The following TSPAN7 variants were observed in gnomAD, a reference collection of about 807,000 sequenced individuals.
TSPAN7 encodes tetraspanin-7.
TSPAN7 carries 1 observed loss-of-function variant against 17.6 expected under a neutral mutation model. The observed-to-expected ratio is 0.06, with a 90% CI of 0.02 to 0.27. TSPAN7 has a LOEUF of 0.27. TSPAN7 is among the 10% of genes least tolerant of loss of function. The probability of loss-of-function intolerance (pLI) is 1.00; values close to 1 mark genes in which losing one functional copy is unlikely to be tolerated. For missense variants in TSPAN7, 112 were observed against 201.7 expected, an observed-to-expected ratio of 0.56 and a Z score of 2.69; for synonymous variants, 78 against 79.0, an observed-to-expected ratio of 0.99 and a Z score of 0.07.
At chrX:38,664,919 G>C (rs970610806) in intron 1 of TSPAN7, among the ~76,000 whole-genome samples, 1 of 112,180 alleles carries the variant, frequency 8.9e-6, no homozygotes, top group African/African-American at 3.2e-5. Flanking sequence ...GAGCTTGATG[G>C]TTCCAAATTA....
chrX:38,611,109 CTTCT>C (rs2069415809), intron 1 of TSPAN7, among the ~76,000 whole-genome samples: 3 of 112,444 alleles, frequency 2.7e-5, no homozygotes, highest in Non-Finnish European at 3.8e-5. Flanking sequence ...TGTAGAATGA[CTTCT>C]TTCTTTCTTT....
At chrX:38,611,624 A>T (rs912923305) in intron 1 of TSPAN7, among the ~76,000 whole-genome samples, 1 of 111,442 alleles carries the variant, frequency 9.0e-6, no homozygotes, top group African/African-American at 3.3e-5. Context: ...GGCCATATTA[A>T]AGGATCGTGA....
chrX:38,626,874 T>A (rs1472141741), intron 1 of TSPAN7, among the ~76,000 whole-genome samples: 1 of 111,313 alleles, frequency 9.0e-6, no homozygotes, highest in Non-Finnish European at 1.9e-5. Context: ...TGAACTTACA[T>A]GTCTGGGAGT....
intron 2 of TSPAN7, among the ~76,000 whole-genome samples, chrX:38,669,036 T>C (rs1292696791): frequency 9.0e-6 from 1 of 110,837 alleles, no homozygotes; most frequent in Non-Finnish European, 1.9e-5. Flanking sequence ...GGTGTTTTAT[T>C]GCATAGTAGG....
chrX:38,676,550 A>T (rs2069855226), intron 5 of TSPAN7, among the ~76,000 whole-genome samples: 1 of 112,299 alleles, frequency 8.9e-6, no homozygotes, highest in Admixed American at 9.4e-5. Context: ...GATTATCTAC[A>T]TCTTAAATGT....
At chrX:38,607,126 C>T (rs1345372358) in intron 1 of TSPAN7, among the ~76,000 whole-genome samples, 1 of 111,427 alleles carries the variant, frequency 9.0e-6, no homozygotes, top group Non-Finnish European at 1.9e-5. Flanking sequence ...TGCATGCAGT[C>T]GACACCCCAG....
intron 2 of TSPAN7, among the ~76,000 whole-genome samples, chrX:38,667,186 G>A (rs1406830804): frequency 9.0e-6 from 1 of 111,587 alleles, no homozygotes; most frequent in Non-Finnish European, 1.9e-5. Flanking sequence ...CCAGTGCAGG[G>A]TGCATACTCT....
At chrX:38,587,204 T>C (rs1438261396) in intron 1 of TSPAN7, among the ~76,000 whole-genome samples, 2 of 112,373 alleles carry the variant, frequency 1.8e-5, no homozygotes, top group African/African-American at 3.2e-5. Flanking sequence ...TCAGTAGGGC[T>C]GAGACTGAGA....
chrX:38,622,729 G>A (rs73617358), intron 1 of TSPAN7, among the ~76,000 whole-genome samples: 4,848 of 111,614 alleles, frequency 0.043, 205 homozygotes, highest in African/African-American at 0.14. Context: ...CCATGGTGAG[G>A]CAAAGAAAAG....
intron 1 of TSPAN7, among the ~76,000 whole-genome samples, chrX:38,644,386 C>G (rs1050096998): frequency 8.0e-5 from 9 of 112,033 alleles, no homozygotes; most frequent in African/African-American, 2.9e-4. Context: ...TATAGTCTAT[C>G]ATAGCTTGTT....
intron 1 of TSPAN7, among the ~76,000 whole-genome samples, chrX:38,601,976 C>T (rs1020690136): frequency 2.7e-5 from 3 of 111,591 alleles, no homozygotes; most frequent in African/African-American, 9.8e-5. Context: ...TAACATTGGC[C>T]CATGTCTCAC....
chrX:38,671,637 C>T (rs1484296206), intron 3 of TSPAN7, among the ~76,000 whole-genome samples, 187 bp downstream of exon 3: 1 of 111,735 alleles, frequency 8.9e-6, no homozygotes, highest in Admixed American at 9.5e-5. Flanking sequence ...TTCCACCAAG[C>T]TTGAAACCTT....
At chrX:38,597,321 T>A (rs1366329063) in intron 1 of TSPAN7, among the ~76,000 whole-genome samples, 1 of 111,186 alleles carries the variant, frequency 9.0e-6, no homozygotes, top group African/African-American at 3.3e-5. Context: ...CAAGTATTTT[T>A]TTTTGTAATC....
chrX:38,659,770 T>C (rs2069730179), intron 1 of TSPAN7, among the ~76,000 whole-genome samples: 1 of 108,452 alleles, frequency 9.2e-6, no homozygotes, highest in East Asian at 2.9e-4. Flanking sequence ...CAGCTGGGAT[T>C]ACAGGCGTGA....
At chrX:38,564,748 T>C (rs774502598) in intron 1 of TSPAN7, among the ~76,000 whole-genome samples, 16 of 112,355 alleles carry the variant, frequency 1.4e-4, no homozygotes, top group Non-Finnish European at 1.5e-4. Context: ...GTCTTTTTTA[T>C]GTGCTTGTTG....
At chrX:38,614,978 T>C (rs965057235) in intron 1 of TSPAN7, among the ~76,000 whole-genome samples, 5 of 98,338 alleles carry the variant, frequency 5.1e-5, no homozygotes, top group African/African-American at 1.8e-4. Context: ...CTGTAGAGTC[T>C]TTACAGATTT....
intron 4 of TSPAN7, among the ~76,000 whole-genome samples, chrX:38,675,069 T>G (rs770625522): frequency 8.9e-6 from 1 of 112,277 alleles, no homozygotes; most frequent in Admixed American, 9.4e-5. Flanking sequence ...TTCTCTACAT[T>G]GGGGTTGGCA....
Position 38,675,839 on chromosome X carries a change from C to T in TSPAN7, c.576C>T (p.Ala192=), listed in dbSNP as rs201111174. The change falls in exon 5 of 8, where the codon GCC becomes GCT. Residue 192 remains alanine (A), a synonymous_variant. Coordinates refer to ENST00000378482, the MANE Select transcript of TSPAN7 (RefSeq NM_004615.4). The stretch of plus-strand genomic sequence containing the variant: ...AGGATCTACACAATCTGACTGTGGC[C>T]GCCACCAAAGTTAACCAGAAGGTAC... ...NPQDLHNLTV[A]ATKVNQKGCY... 1.6e-5 allele frequency: 19 copies of T among 1,209,755 alleles called. No homozygotes were observed. In the African/African-American group the frequency reaches 1.9e-4, roughly 12 times the overall value.
At chrX:38,676,188 T>C (rs2069852827) in intron 5 of TSPAN7, among the ~76,000 whole-genome samples, 1 of 111,474 alleles carries the variant, frequency 9.0e-6, no homozygotes, top group Non-Finnish European at 1.9e-5. Flanking sequence ...GTCCGTCTTC[T>C]GCTTAATATA....
Sources: gnomAD v4.1 joint callset for allele counts (sites outside exome capture counted in the v4.1 genomes callset) on GRCh38, gnomAD v4.1.1 for gene constraint, MANE v1.5 for transcripts, NCBI Gene and HGNC (gene_info 2026-07-23, HGNC 2026-07-21) for gene names.